The following KIN variants were observed in gnomAD, a reference collection of about 807,000 sequenced individuals.
KIN encodes the protein DNA/RNA-binding protein KIN17.
Under a neutral mutation model 63.0 loss-of-function variants are expected in KIN, and 47 were observed. The observed-to-expected ratio is 0.75, with a 90% CI of 0.59 to 0.95. The LOEUF (loss-of-function observed/expected upper bound fraction) is 0.95, where lower values mean the gene tolerates loss of function less well. KIN is among the 40% of genes least tolerant of loss of function. The pLI is 0.00. For synonymous variants in KIN, 160 were observed against 157.7 expected (o/e 1.01, Z -0.11); for missense variants, 408 against 460.9 (o/e 0.89, Z 1.05).
At position 7,787,930 on chromosome 10, in the gene KIN, C is replaced by T. The variant is rs75813059; in HGVS notation, c.4G>A (p.Gly2Arg). The T allele has an allele frequency of 5.0e-6, 8 of 1,607,764 alleles. No individual in the cohort carries two copies. Among genetic ancestry groups the T allele is most frequent in the Non-Finnish European group, 6.8e-6 (8 of 1,174,218 alleles). ...TTGGGAGTAAGAAAATCCGACTTCC[C>T]CATGGCGACCACGGCAGCGATCACT... M[G>R]KSDFLTPKAI... The change falls in exon 1 of 13, where the codon GGG becomes AGG. Residue 2 changes from glycine to arginine, a missense_variant. This residue lies in a region of KIN where 110 missense variants were observed against 164.9 expected (regional missense o/e 0.67). Coordinates refer to ENST00000379562, the MANE Select transcript of KIN (RefSeq NM_012311.4).
At chr10:7,759,195 G>C (rs1025181352) in intron 12 of KIN, among the ~76,000 whole-genome samples, 1 of 152,066 alleles carries the variant, frequency 6.6e-6, no homozygotes, top group Non-Finnish European at 1.5e-5. Flanking sequence ...GACTGTACTG[G>C]AGATAAAAAA....
chr10:7,776,629 G>T (rs1835779491), intron 5 of KIN, among the ~76,000 whole-genome samples: 1 of 151,514 alleles, frequency 6.6e-6, no homozygotes, highest in South Asian at 2.1e-4. Context: ...TACTTGGGAG[G>T]CTGAGACAGG....
chr10:7,779,756 G>A (rs11255362), intron 4 of KIN, among the ~76,000 whole-genome samples: 5,252 of 152,264 alleles, frequency 0.034, 303 homozygotes, highest in African/African-American at 0.12. Context: ...AGGGACTTGA[G>A]TATCTGTGAA....
chr10:7,767,545 G>A (rs1365214561), intron 8 of KIN, among the ~76,000 whole-genome samples: 1 of 152,130 alleles, frequency 6.6e-6, no homozygotes, highest in Non-Finnish European at 1.5e-5. Flanking sequence ...TGCATGGTGT[G>A]AGGACTAGGA....
intron 4 of KIN, among the ~76,000 whole-genome samples, chr10:7,779,565 G>A (rs1413530449): frequency 6.6e-6 from 1 of 152,006 alleles, no homozygotes; most frequent in Non-Finnish European, 1.5e-5. Context: ...AAAGAAAAAC[G>A]GATGGTTGCA....
intron 4 of KIN, among the ~76,000 whole-genome samples, chr10:7,779,508 G>A (rs984850510): frequency 1.3e-5 from 2 of 152,252 alleles, no homozygotes; most frequent in Non-Finnish European, 2.9e-5. Flanking sequence ...ATGAAATTTA[G>A]ATACTGTATG....
intron 1 of KIN, among the ~76,000 whole-genome samples, chr10:7,784,790 A>G (rs967813768): frequency 9.2e-5 from 14 of 152,210 alleles, no homozygotes; most frequent in Admixed American, 9.2e-4. Context: ...CTAGATATAT[A>G]GGTATGATTT....
chr10:7,757,930 C>T (rs1025886445), intron 12 of KIN, among the ~76,000 whole-genome samples: 2 of 149,972 alleles, frequency 1.3e-5, no homozygotes, highest in South Asian at 2.1e-4. Flanking sequence ...ATATTATCAA[C>T]GACATGAAAA....
chr10:7,769,088 G>T, intron 8 of KIN, 128 bp downstream of exon 8: 1 of 765,630 alleles, frequency 1.3e-6, no homozygotes, highest in Non-Finnish European at 2.1e-6. Flanking sequence ...GGAACTGTAT[G>T]TAGCTAGGTC....
In KIN at chr10:7,775,906, C is replaced by T. The variant is rs75092293; in HGVS notation, c.559-107G>A. The T allele has an allele frequency of 1.2e-3, 743 of 619,010 alleles. 17 individuals carry two copies. In the East Asian group the frequency reaches 0.022, roughly 18 times the overall value. 38.3% of individuals were successfully genotyped at this position (619,010 alleles called of 1,614,324 possible). A position where few individuals can be genotyped will look rare whatever the true frequency, so the allele number is the denominator to read the frequency against. On this transcript the variant is annotated intron_variant, in intron 5 of 12. Transcript: ENST00000379562. ...CCTGTGTTCCCAGGCAGCTCTAATA[C>T]GCAAGTGATTAAGATCCTAATTAAG...
At position 7,756,001 on chromosome 10, in the gene KIN, C is replaced by T. The variant is rs1564312484; in HGVS notation, c.*79G>A. 3.8e-6 allele frequency: 3 copies of T among 791,492 alleles called. No homozygotes were observed. Among genetic ancestry groups the T allele is most frequent in the East Asian group, 5.0e-5 (2 of 39,724 alleles). The allele number at this position is 791,492 out of a possible 1,614,324, so 49.0% of individuals were successfully genotyped here. ...TTATACAAAAGAATATACCCTAACA[C>T]AGTAGAGTCTCATAATGCCTTGGCG... On this transcript the variant is annotated 3_prime_UTR_variant, in exon 13 of 13. Coordinates refer to ENST00000379562, the MANE Select transcript of KIN (RefSeq NM_012311.4).
intron 2 of KIN, 61 bp downstream of exon 2, chr10:7,783,020 C>A: frequency 2.1e-5 from 15 of 706,404 alleles, no homozygotes; most frequent in South Asian, 4.6e-5. Context: ...AAATATTAAC[C>A]ATCTATTAAA....
chr10:7,756,248 A>C (rs979195786), intron 12 of KIN, 106 bp from the exon 13 acceptor site: 88 of 559,260 alleles, frequency 1.6e-4, no homozygotes, highest in Non-Finnish European at 2.4e-4. Context: ...CGCATCCCTA[A>C]AATACCATTA....
At chr10:7,779,478 AT>A (rs1835853335) in intron 4 of KIN, among the ~76,000 whole-genome samples, 1 of 152,114 alleles carries the variant, frequency 6.6e-6, no homozygotes, top group Non-Finnish European at 1.5e-5. Flanking sequence ...AGCAAATGGG[AT>A]TTTCCATATT....
chr10:7,777,672 C>A (rs931544423), intron 5 of KIN, among the ~76,000 whole-genome samples: 1 of 151,784 alleles, frequency 6.6e-6, no homozygotes, highest in African/African-American at 2.4e-5. Context: ...CCCAGAAGGG[C>A]GGATCACCTG....
intron 11 of KIN, among the ~76,000 whole-genome samples, chr10:7,762,191 A>G (rs1257147910): frequency 6.6e-6 from 1 of 151,818 alleles, no homozygotes; most frequent in Non-Finnish European, 1.5e-5. Flanking sequence ...AACAAATGCT[A>G]TCCATATATG....
intron 5 of KIN, among the ~76,000 whole-genome samples, chr10:7,778,018 T>C (rs1268907089): frequency 6.6e-6 from 1 of 152,148 alleles, no homozygotes; most frequent in Admixed American, 6.5e-5. Flanking sequence ...AAATATATGT[T>C]GAAATAAATG....
At chr10:7,764,120 G>A (rs761283126) in intron 9 of KIN, among the ~76,000 whole-genome samples, 3 of 152,160 alleles carry the variant, frequency 2.0e-5, no homozygotes, top group Non-Finnish European at 4.4e-5. Flanking sequence ...CACGTCTTTC[G>A]TAGATGGTTT....
chr10:7,759,997 T>C lies in KIN; in HGVS notation c.1019-7A>G, dbSNP rs77953690. ...AAAACTAGAATTCTTTTTCCTATGA[T>C]GGAAAAGAATATAAAAATTAATGTG... On this transcript the variant is annotated splice_region_variant and splice_polypyrimidine_tract_variant and intron_variant, in intron 11 of 12. Transcript: ENST00000379562. 21,270 of 1,290,224 alleles carry C rather than the reference T, an allele frequency of 0.016. 1,476 individuals are homozygous for C. In the East Asian group the frequency reaches 0.24, roughly 15 times the overall value. 79.9% of individuals were successfully genotyped at this position (1,290,224 alleles called of 1,614,324 possible).
Sources: gnomAD v4.1 joint callset for allele counts (sites outside exome capture counted in the v4.1 genomes callset) on GRCh38, gnomAD v4.1.1 for gene constraint, gnomAD v4.1.1 regional missense constraint, MANE v1.5 for transcripts, NCBI Gene and HGNC (gene_info 2026-07-23, HGNC 2026-07-21) for gene names.